The following CNTN6 variants were observed in gnomAD, a reference collection of about 807,000 sequenced individuals.
CNTN6 encodes the protein contactin 6.
A neutral mutation model predicts 122.8 loss-of-function variants in CNTN6; 137 were observed. That is an observed-to-expected ratio of 1.12 (90% CI 0.97 to 1.29). CNTN6 has a LOEUF of 1.29. Ranked by LOEUF, CNTN6 falls within the 50% of genes most tolerant of loss-of-function variation. The pLI, the probability that CNTN6 is intolerant of heterozygous loss-of-function variation, is 0.00. For synonymous variants in CNTN6, 570 were observed against 426.0 expected (o/e 1.34, Z -4.16); for missense variants, 1,634 against 1,223.4 (o/e 1.34, Z -5.01).
At position 1,385,786 on chromosome 3, in the gene CNTN6, C is replaced by T. The variant is rs759654333; in HGVS notation, c.2693C>T (p.Thr898Ile). The change falls in exon 20 of 23, where the codon ACC becomes ATC. Residue 898 changes from threonine (T) to isoleucine (I), a missense_variant. Coordinates refer to ENST00000446702, the MANE Select transcript of CNTN6 (RefSeq NM_001289080.2). ...TCAAGCCCCCCAGTCAATGTTACCA[C>T]CAAAAAGTCTCGTAAGTATGCATAC... ...GPSSPPVNVT[T>I]KKSPPSQPPA... 5.6e-6 allele frequency: 9 copies of T among 1,608,574 alleles called. No homozygotes were observed. In the East Asian group the frequency reaches 1.3e-4, roughly 24 times the overall value.
At position 1,318,204 on chromosome 3, in the gene CNTN6, C is replaced by T. The variant is rs1255641631; in HGVS notation, c.762-3446C>T. Among the ~76,000 whole-genome samples, 3 of 151,850 alleles carry T rather than the reference C, an allele frequency of 2.0e-5. No individual in the cohort carries two copies. The East Asian group carries it at 5.8e-4, about 30-fold the overall frequency. ...TTCTTGTCTCTTTTAAGTCTCATGT[C>T]TCTTGCGTTTCTTGCCTTTTGCTAT... On this transcript the variant is annotated intron_variant, in intron 7 of 22. Transcript: ENST00000446702.
intron 17 of CNTN6, among the ~76,000 whole-genome samples, chr3:1,381,435 G>C (rs749435796): frequency 6.6e-6 from 1 of 152,034 alleles, no homozygotes; most frequent in Non-Finnish European, 1.5e-5. Context: ...AGGTCATCTC[G>C]GGTAATGGGG....
chr3:1,171,703 C>T (rs939836771), intron 2 of CNTN6, among the ~76,000 whole-genome samples: 4 of 152,102 alleles, frequency 2.6e-5, no homozygotes, highest in African/African-American at 9.7e-5. Context: ...ACCTCTTGTG[C>T]TCAAGTGAGC....
intron 2 of CNTN6, among the ~76,000 whole-genome samples, chr3:1,197,373 G>C (rs1339496867): frequency 6.6e-6 from 1 of 152,194 alleles, no homozygotes; most frequent in Admixed American, 6.5e-5. Flanking sequence ...GCAATTGTAA[G>C]CACAGCCCTG....
rs1559375181 is a variant in CNTN6, at chr3:1,134,814, T to C, written c.-82-13113T>C. 2.6e-5 allele frequency among the ~76,000 whole-genome samples: 4 copies of C among 152,148 alleles called. No individual in the cohort carries two copies. In the South Asian group the frequency reaches 6.2e-4, roughly 24 times the overall value. The stretch of plus-strand genomic sequence containing the variant: ...AAGCAGGGTACTATTTATATAAACA[T>C]GAATTCCAGATATTGGAAGGTGGCA... On this transcript the variant is annotated intron_variant, in intron 1 of 22. Coordinates refer to ENST00000446702, the MANE Select transcript of CNTN6 (RefSeq NM_001289080.2).
intron 2 of CNTN6, among the ~76,000 whole-genome samples, chr3:1,184,315 C>A (rs931831428): frequency 5.3e-5 from 8 of 152,070 alleles, no homozygotes; most frequent in African/African-American, 1.9e-4. Context: ...CAAATGAATA[C>A]TATAAAAGTG....
intron 4 of CNTN6, among the ~76,000 whole-genome samples, chr3:1,233,734 C>CAAA (rs1166507455): frequency 0.01 from 534 of 51,906 alleles, 34 homozygotes; most frequent in African/African-American, 0.029. Context: ...GACTCTGTCT[C>CAAA]AAAAAAAAAA....
In CNTN6 at chr3:1,300,579, AAGAAAG is replaced by A. The variant is rs1559755884; in HGVS notation, c.761+2590_761+2595del. On this transcript the variant is annotated intron_variant, in intron 7 of 22. Transcript: ENST00000446702. ...AGAAAAAGAAAGAAAGAAAGAAAGA[AAGAAAG>A]AAAGAAAGAAAGAAAGAAAGAGAGA... 2.9e-3 allele frequency among the ~76,000 whole-genome samples: 120 copies of A among 41,958 alleles called. 5 individuals carry two copies. Among genetic ancestry groups the A allele is most frequent in the African/African-American group, 6.2e-3 (116 of 18,618 alleles). 27.5% of individuals were successfully genotyped at this position (41,958 alleles called of 152,430 possible). A position where few individuals can be genotyped will look rare whatever the true frequency, so the allele number is the denominator to read the frequency against.
chr3:1,352,942 A>T (rs1347905423), intron 12 of CNTN6, among the ~76,000 whole-genome samples: 5 of 151,778 alleles, frequency 3.3e-5, no homozygotes, highest in African/African-American at 9.7e-5. Flanking sequence ...AAGAGAAAAA[A>T]TTAAAATCTG....
chr3:1,102,856 C>T (rs144034070), intron 1 of CNTN6, among the ~76,000 whole-genome samples: 3,538 of 150,580 alleles, frequency 0.023, 188 homozygotes, highest in African/African-American at 0.082. Context: ...GCCTGTAATC[C>T]CAGCACTTTT....
chr3:1,354,219 GC>G (rs1236191081), intron 12 of CNTN6, among the ~76,000 whole-genome samples: 1 of 149,778 alleles, frequency 6.7e-6, no homozygotes, highest in African/African-American at 2.5e-5. Flanking sequence ...GTGTAATATA[GC>G]CATGTTTTCT....
At chr3:1,113,399 A>G (rs577852948) in intron 1 of CNTN6, among the ~76,000 whole-genome samples, 3 of 152,172 alleles carry the variant, frequency 2.0e-5, no homozygotes, top group Non-Finnish European at 4.4e-5. Flanking sequence ...CAGTTTATGG[A>G]CTAATTATTG....
At chr3:1,290,601 TA>T (rs1273100186) in intron 5 of CNTN6, among the ~76,000 whole-genome samples, 5 of 152,198 alleles carry the variant, frequency 3.3e-5, no homozygotes, top group Non-Finnish European at 5.9e-5. Flanking sequence ...GCCCATAGAT[TA>T]AAATGAAAGC....
chr3:1,366,318 A>G (rs759020879), intron 12 of CNTN6, among the ~76,000 whole-genome samples: 14 of 152,146 alleles, frequency 9.2e-5, no homozygotes, highest in Non-Finnish European at 2.1e-4. Context: ...GTAGTCAACA[A>G]CTTTCCTCCT....
intron 2 of CNTN6, among the ~76,000 whole-genome samples, chr3:1,165,779 A>T (rs187164934): frequency 6.6e-6 from 1 of 152,216 alleles, no homozygotes; most frequent in Admixed American, 6.5e-5. Flanking sequence ...TCAAGATAAC[A>T]TGGCAGGTCA....
At chr3:1,384,610 T>C (rs1307649914) in intron 19 of CNTN6, among the ~76,000 whole-genome samples, 1 of 151,218 alleles carries the variant, frequency 6.6e-6, no homozygotes, top group Non-Finnish European at 1.5e-5. Context: ...GGTAACATAA[T>C]TTATTTAACT....
At chr3:1,163,218 T>C (rs2093174253) in intron 2 of CNTN6, among the ~76,000 whole-genome samples, 1 of 152,226 alleles carries the variant, frequency 6.6e-6, no homozygotes, top group Non-Finnish European at 1.5e-5. Flanking sequence ...ATCCATCTTA[T>C]GCTATTCCCT....
chr3:1,161,247 A>ATT (rs1336674796), intron 2 of CNTN6, among the ~76,000 whole-genome samples: 2 of 101,818 alleles, frequency 2.0e-5, no homozygotes, highest in African/African-American at 9.3e-5. Context: ...ATGATATATG[A>ATT]TTATATATAT....
chr3:1,111,817 T>G (rs554587432), intron 1 of CNTN6, among the ~76,000 whole-genome samples: 5 of 152,228 alleles, frequency 3.3e-5, no homozygotes, highest in African/African-American at 1.2e-4. Context: ...GCAATCTTAT[T>G]CCAAGTTTTG....
Sources: gnomAD v4.1 joint callset for allele counts (sites outside exome capture counted in the v4.1 genomes callset) on GRCh38, gnomAD v4.1.1 for gene constraint, MANE v1.5 for transcripts, NCBI Gene and HGNC (gene_info 2026-07-23, HGNC 2026-07-21) for gene names.